Variants in ARAP1 observed in about 807,000 individuals in gnomAD.
ARAP1 encodes ArfGAP with RhoGAP domain, ankyrin repeat and PH domain 1, also known as arf-GAP with Rho-GAP domain, ANK repeat and PH domain-containing protein 1.
ARAP1 carries 76 observed loss-of-function variants against 172.2 expected under a neutral mutation model. The ratio of observed to expected loss-of-function variants is 0.44; its 90% CI spans 0.37 to 0.53. The LOEUF (loss-of-function observed/expected upper bound fraction) is 0.53. ARAP1 is among the 20% of genes least tolerant of loss of function. The probability of loss-of-function intolerance (pLI) is 0.00; values close to 1 mark genes in which losing one functional copy is unlikely to be tolerated. For synonymous variants in ARAP1, 804 were observed against 803.3 expected (o/e 1.00, Z -0.01); for missense variants, 1,686 against 1,977.5 (o/e 0.85, Z 2.80).
In ARAP1 at chr11:72,714,297, T is replaced by C. The variant is rs1857177350; in HGVS notation, c.534A>G (p.Ser178=). 6.5e-7 allele frequency: 1 copy of C among 1,546,906 alleles called. No homozygotes were observed. ...LVSLPTKEEE[S]LLPSLSSPPQ... ...GAGGGGATGATAATGATGGCAGCAA[T>C]GACTCCTCCTCCTTAGTGGGCAGGC... Residue 178 remains serine, a synonymous_variant, in exon 4 of 35, where the codon TCA becomes TCG. Coordinates refer to ENST00000393609, the MANE Select transcript of ARAP1 (RefSeq NM_001040118.3).
At chr11:72,720,055 A>T (rs999531145) in intron 3 of ARAP1, among the ~76,000 whole-genome samples, 47 of 152,124 alleles carry the variant, frequency 3.1e-4, no homozygotes, top group African/African-American at 1.0e-3. Context: ...GCCTCAGAGG[A>T]CTGAGGACCC....
chr11:72,688,820 G>C lies in ARAP1; in HGVS notation c.3988-283C>G, dbSNP rs981062340. On this transcript the variant is annotated intron_variant, in intron 30 of 34. Coordinates refer to ENST00000393609, the MANE Select transcript of ARAP1 (RefSeq NM_001040118.3). Reference sequence around the variant, plus strand: ...TCCCAACTGGGACATCTGTAACAGCGAATCCCAGCACCACCCTGATGCCCT... The same window carrying C: ...TCCCAACTGGGACATCTGTAACAGCCAATCCCAGCACCACCCTGATGCCCT... The C allele has an allele frequency of 1.0e-5, 4 of 400,046 alleles. No individual in the cohort carries two copies. The Admixed American group carries it at 1.6e-4, about 16-fold the overall frequency. 24.8% of individuals were successfully genotyped at this position (400,046 alleles called of 1,614,324 possible). A position where few individuals can be genotyped will look rare whatever the true frequency, so the allele number is the denominator to read the frequency against.
chr11:72,685,299 G>A lies in ARAP1; in HGVS notation c.*365C>T, dbSNP rs1489340622. 1 of 313,260 alleles carries A rather than the reference G, an allele frequency of 3.2e-6. No individual in the cohort carries two copies. Among genetic ancestry groups the A allele is most frequent in the African/African-American group, 2.2e-5 (1 of 45,830 alleles). The allele number at this position is 313,260 out of a possible 1,614,324, so 19.4% of individuals were successfully genotyped here. On this transcript the variant is annotated 3_prime_UTR_variant, in exon 35 of 35. Coordinates refer to ENST00000393609, the MANE Select transcript of ARAP1 (RefSeq NM_001040118.3). The stretch of plus-strand genomic sequence containing the variant: ...TCTGGAGTTTGTTGGGAGGAGCAGG[G>A]GGCTCCCTTCCGGCAGGGCCCCAGG...
chr11:72,727,729 G>C (rs940568154), intron 2 of ARAP1, among the ~76,000 whole-genome samples: 1 of 152,240 alleles, frequency 6.6e-6, no homozygotes, highest in Admixed American at 6.5e-5. Context: ...TGTGGGACGT[G>C]AGTAAACCCA....
chr11:72,726,832 G>A lies in ARAP1; in HGVS notation c.297C>T (p.Pro99=), dbSNP rs779877230. 2.4e-5 allele frequency: 38 copies of A among 1,569,660 alleles called. No homozygotes were observed. Among genetic ancestry groups the A allele is most frequent in the African/African-American group, 2.3e-4 (17 of 74,088 alleles). The change falls in exon 3 of 35, where the codon CCC becomes CCT. Residue 99 remains proline, a synonymous_variant. Coordinates refer to ENST00000393609, the MANE Select transcript of ARAP1 (RefSeq NM_001040118.3). This position sits in a 1 kb window ranked among gnomAD's most constrained non-coding sequence, Gnocchi z 6.5. Reference sequence around the variant, plus strand: ...CCTCTGTAGTGGTGGGCAGCGGCTCGGGTGGAGTGGCAGGCACAGGTGGTG... The same window carrying A: ...CCTCTGTAGTGGTGGGCAGCGGCTCAGGTGGAGTGGCAGGCACAGGTGGTG... ...FRSPPVPATP[P]EPLPTTTEDE... is the part of the protein sequence containing the mutation.
chr11:72,720,001 C>G (rs1418974130), intron 3 of ARAP1, among the ~76,000 whole-genome samples: 1 of 152,190 alleles, frequency 6.6e-6, no homozygotes, highest in Non-Finnish European at 1.5e-5. Context: ...CCCCACAATT[C>G]TGATCACTCA....
At chr11:72,688,353 C>A (rs1855780556) in intron 31 of ARAP1, 102 bp downstream of exon 31, 1 of 1,025,474 alleles carries the variant, frequency 9.8e-7, no homozygotes, top group African/African-American at 1.6e-5. Flanking sequence ...AGAGCCCCTG[C>A]ACCTATCTCT....
intron 12 of ARAP1, among the ~76,000 whole-genome samples, chr11:72,706,327 C>A (rs918975196): frequency 6.6e-6 from 1 of 152,210 alleles, no homozygotes; most frequent in Non-Finnish European, 1.5e-5. Context: ...CCACTCCTTC[C>A]TGCCATTCAG....
At chr11:72,687,882 T>A (rs1159319321) in intron 31 of ARAP1, 144 bp from the exon 32 acceptor site, 2 of 946,172 alleles carry the variant, frequency 2.1e-6, no homozygotes, top group Admixed American at 1.9e-5. Context: ...CATCCTGGCC[T>A]CTTCCTGTCT....
At chr11:72,746,964 G>A (rs1035229448) in intron 1 of ARAP1, among the ~76,000 whole-genome samples, 4 of 152,292 alleles carry the variant, frequency 2.6e-5, no homozygotes, top group Non-Finnish European at 4.4e-5. Flanking sequence ...GGCAGTGCTC[G>A]CTGGGCCAGT....
chr11:72,725,130 T>C lies in ARAP1; in HGVS notation c.509+1490A>G, dbSNP rs915465278. Among the ~76,000 whole-genome samples, 2 of 152,238 alleles carry C rather than the reference T, an allele frequency of 1.3e-5. No homozygotes were observed. The highest frequency in any genetic ancestry group is 3.9e-4 in the East Asian group (2 of 5,170). The stretch of plus-strand genomic sequence containing the variant: ...CTAGCTGGGCCCGACCCAGGCATCC[T>C]GCCTCCCAAGCAGGAACCCAGGCCT... On this transcript the variant is annotated intron_variant, in intron 3 of 34. Coordinates refer to ENST00000393609, the MANE Select transcript of ARAP1 (RefSeq NM_001040118.3). The surrounding 1 kb of genome is among the most constrained non-coding windows in gnomAD (Gnocchi z 4.3).
Position 72,751,517 on chromosome 11 carries a change from G to C in ARAP1, c.-128+811C>G, listed in dbSNP as rs553294312. Reference sequence around the variant, plus strand: ...GGCCTCTGGGGACTCTCCGCGAACAGGTATCATGAGTGCCTCAGTCTGGGA... The same window carrying C: ...GGCCTCTGGGGACTCTCCGCGAACACGTATCATGAGTGCCTCAGTCTGGGA... On this transcript the variant is annotated intron_variant, in intron 1 of 34. Coordinates refer to ENST00000393609, the MANE Select transcript of ARAP1 (RefSeq NM_001040118.3). Among the ~76,000 whole-genome samples, 297 of 152,204 alleles carry C rather than the reference G, an allele frequency of 2.0e-3. 3 individuals are homozygous for C. The highest frequency in any genetic ancestry group is 2.3e-3 in the Non-Finnish European group (156 of 67,986).
Position 72,696,619 on chromosome 11 carries a change from G to C in ARAP1, c.3202C>G (p.Arg1068Gly), listed in dbSNP as rs2135504829. 1 of 1,605,344 alleles carries C rather than the reference G, an allele frequency of 6.2e-7. No homozygotes were observed. The highest frequency in any genetic ancestry group is 1.1e-5 in the South Asian group (1 of 90,440). ...EDEEEKVSRY[R>G]ELLVRLPPVN... ...GGGGGCAGCCGCACCAGCAGCTCTC[G>C]GTACCTGGAGACCTTCTCCTCCTCG... Residue 1068 changes from arginine to glycine, a missense_variant, in exon 23 of 35, where the codon CGA becomes GGA. This residue lies in a region of ARAP1 where 274 missense variants were observed against 262.7 expected (regional missense o/e 1.04). Coordinates refer to ENST00000393609, the MANE Select transcript of ARAP1 (RefSeq NM_001040118.3).
intron 30 of ARAP1, among the ~76,000 whole-genome samples, chr11:72,689,775 G>A (rs1024730867): frequency 1.3e-5 from 2 of 152,232 alleles, no homozygotes; most frequent in Non-Finnish European, 2.9e-5. Flanking sequence ...ATGTGCCCAG[G>A]AGGGCCTGGA....
chr11:72,728,509 A>G (rs1396427977), intron 2 of ARAP1, among the ~76,000 whole-genome samples: 1 of 152,168 alleles, frequency 6.6e-6, no homozygotes, highest in Non-Finnish European at 1.5e-5. Flanking sequence ...TGAACCCAGG[A>G]GGCAGAGGTT....
Position 72,686,080 on chromosome 11 carries a change from G to A in ARAP1, c.4297C>T (p.Arg1433Cys), listed in dbSNP as rs774313722. ...IPLRGSENEMRRSVAAFTADP... is the reference protein window; with the variant it reads ...IPLRGSENEMCRSVAAFTADP... ...GCGGTGAAGGCAGCCACACTCCGGC[G>A]CATTTCATTTTCACTACCTCGAAGG... Residue 1433 changes from arginine to cysteine, a missense_variant, in exon 34 of 35, where the codon CGC becomes TGC. Physicochemically the swap from Arg to Cys is radical, Grantham distance 180. Around this residue, in one of 5 missense-constraint regions of ARAP1, gnomAD observed 379 missense variants for 500.1 expected, o/e 0.76. Coordinates refer to ENST00000393609, the MANE Select transcript of ARAP1 (RefSeq NM_001040118.3). The A allele has an allele frequency of 3.7e-6, 6 of 1,614,050 alleles. No homozygotes were observed. Among genetic ancestry groups the A allele is most frequent in the East Asian group, 2.2e-5 (1 of 44,888 alleles).
intron 1 of ARAP1, among the ~76,000 whole-genome samples, chr11:72,739,458 T>G (rs1858137128): frequency 6.6e-6 from 1 of 152,010 alleles, no homozygotes; most frequent in African/African-American, 2.4e-5. Context: ...CTCAGCTTGC[T>G]GGTGGGGAGT....
chr11:72,711,196 A>G, intron 8 of ARAP1, 55 bp from the exon 9 acceptor site: 1 of 1,603,480 alleles, frequency 6.2e-7, no homozygotes, highest in Non-Finnish European at 8.5e-7. Context: ...TGACTCCCCC[A>G]GCCTCAGCCA....
At chr11:72,727,733 A>C (rs748295381) in intron 2 of ARAP1, among the ~76,000 whole-genome samples, 34 of 152,366 alleles carry the variant, frequency 2.2e-4, no homozygotes, top group Non-Finnish European at 3.8e-4. Context: ...GGACGTGAGT[A>C]AACCCAGCAT....
Sources: allele counts gnomAD v4.1 joint callset (sites outside exome capture counted in the v4.1 genomes callset), GRCh38; gene constraint gnomAD v4.1.1; regional missense constraint gnomAD v4.1.1; non-coding constraint Gnocchi (gnomAD v3.1); transcripts MANE v1.5; gene names NCBI Gene and HGNC (gene_info 2026-07-23, HGNC 2026-07-21).